ERBB4: variants seen among roughly 807,000 people sequenced by gnomAD.
ERBB4 encodes the protein receptor tyrosine-protein kinase erbB-4.
In ERBB4, 42 loss-of-function variants were observed where a neutral mutation model predicts 158.0. The ratio of observed to expected loss-of-function variants is 0.27; its 90% CI spans 0.21 to 0.34. The LOEUF is 0.34. Ranked by LOEUF, ERBB4 falls within the 10% of genes least tolerant of loss-of-function variation. The pLI, the probability that ERBB4 is intolerant of heterozygous loss-of-function variation, is 1.00. For synonymous variants in ERBB4, 583 were observed against 558.7 expected, an observed-to-expected ratio of 1.04 and a Z score of -0.61; for missense variants, 1,333 against 1,624.1, an observed-to-expected ratio of 0.82 and a Z score of 3.08.
At chr2:212,124,609 G>A (rs1378401524) in intron 2 of ERBB4, 143 bp downstream of exon 2, 3 of 869,212 alleles carry the variant, frequency 3.5e-6, no homozygotes, top group Admixed American at 4.1e-5. Flanking sequence ...GGTGCGTTTC[G>A]CTATCTCTTA....
chr2:212,429,444 T>C (rs779557359), intron 1 of ERBB4, among the ~76,000 whole-genome samples: 2 of 152,182 alleles, frequency 1.3e-5, no homozygotes, highest in Non-Finnish European at 2.9e-5. Context: ...CAACGGATTA[T>C]ACAAGTGTGG....
chr2:211,782,372 G>C (rs1462344646), intron 4 of ERBB4, among the ~76,000 whole-genome samples: 1 of 152,166 alleles, frequency 6.6e-6, no homozygotes, highest in Non-Finnish European at 1.5e-5. Flanking sequence ...TTAAAAGCTT[G>C]ACTGTTATCC....
intron 14 of ERBB4, among the ~76,000 whole-genome samples, chr2:211,672,153 A>AT (rs1430570524): frequency 6.6e-6 from 1 of 152,030 alleles, no homozygotes; most frequent in Non-Finnish European, 1.5e-5. Flanking sequence ...TGATATATAT[A>AT]TTTTTTCTAA....
intron 24 of ERBB4, among the ~76,000 whole-genome samples, chr2:211,421,668 G>A (rs561886381): frequency 6.6e-6 from 1 of 151,694 alleles, no homozygotes; most frequent in Non-Finnish European, 1.5e-5. Flanking sequence ...CTTTTGTTCC[G>A]AAAAAAGAAA....
chr2:211,775,854 G>A (rs994911613), intron 4 of ERBB4, among the ~76,000 whole-genome samples: 6 of 152,076 alleles, frequency 3.9e-5, no homozygotes, highest in Admixed American at 1.3e-4. Context: ...GCCACCTCAC[G>A]GGTTACACCT....
intron 5 of ERBB4, among the ~76,000 whole-genome samples, chr2:211,727,497 T>C (rs1404074200): frequency 2.0e-5 from 3 of 152,068 alleles, no homozygotes; most frequent in Non-Finnish European, 4.4e-5. Context: ...AAATCATATA[T>C]TGCCAACTCA....
intron 7 of ERBB4, among the ~76,000 whole-genome samples, chr2:211,718,044 T>C (rs554290415): frequency 6.6e-6 from 1 of 152,144 alleles, no homozygotes; most frequent in East Asian, 2.0e-4. Flanking sequence ...CCCAAATAGC[T>C]GGGATTACAG....
chr2:211,743,765 A>C (rs2074872009), intron 5 of ERBB4, among the ~76,000 whole-genome samples: 2 of 152,216 alleles, frequency 1.3e-5, no homozygotes, highest in African/African-American at 2.4e-5. Flanking sequence ...CAATTTACTT[A>C]AGCTGTGCTG....
chr2:212,380,357 T>C (rs1303367388), intron 1 of ERBB4, among the ~76,000 whole-genome samples: 5 of 151,278 alleles, frequency 3.3e-5, no homozygotes, highest in Non-Finnish European at 7.4e-5. Flanking sequence ...TTAAAGTATA[T>C]GGGAAGATGT....
At chr2:211,852,524 A>G (rs542212584) in intron 3 of ERBB4, among the ~76,000 whole-genome samples, 19 of 152,058 alleles carry the variant, frequency 1.2e-4, no homozygotes, top group African/African-American at 4.3e-4. Flanking sequence ...GTGAAATGAC[A>G]TACAGCAGGT....
At chr2:212,520,922 C>T (rs1339941093) in intron 1 of ERBB4, among the ~76,000 whole-genome samples, 3 of 151,896 alleles carry the variant, frequency 2.0e-5, no homozygotes, top group African/African-American at 7.2e-5. Flanking sequence ...TAGCCTTTAC[C>T]TGATTCCTTA....
At chr2:212,227,329 G>A (rs567212318) in intron 1 of ERBB4, among the ~76,000 whole-genome samples, 77 of 151,488 alleles carry the variant, frequency 5.1e-4, no homozygotes, top group African/African-American at 1.6e-3. Context: ...GCTTCAGGAA[G>A]AATAATCTCT....
At chr2:212,468,367 G>A (rs1307315850) in intron 1 of ERBB4, among the ~76,000 whole-genome samples, 1 of 152,120 alleles carries the variant, frequency 6.6e-6, no homozygotes, top group African/African-American at 2.4e-5. Flanking sequence ...CATGCACTGT[G>A]GGAGGGACCC....
chr2:211,664,832 T>G (rs1360168659), intron 15 of ERBB4, among the ~76,000 whole-genome samples: 1 of 151,934 alleles, frequency 6.6e-6, no homozygotes, highest in Non-Finnish European at 1.5e-5. Context: ...TAGGTTCCCT[T>G]TTTCCCTGCC....
intron 3 of ERBB4, among the ~76,000 whole-genome samples, chr2:211,858,845 C>G (rs1414813393): frequency 6.6e-6 from 1 of 152,030 alleles, no homozygotes; most frequent in African/African-American, 2.4e-5. Context: ...TGCAGTGGTG[C>G]GATCTCCGCT....
At chr2:211,492,062 C>CT (rs1272203000) in intron 20 of ERBB4, among the ~76,000 whole-genome samples, 2 of 138,524 alleles carry the variant, frequency 1.4e-5, no homozygotes, top group Admixed American at 7.4e-5. Context: ...CGTGCAAACT[C>CT]ACCTTAAGAA....
chr2:211,708,568 C>T (rs1241460712), intron 9 of ERBB4, among the ~76,000 whole-genome samples: 2 of 151,744 alleles, frequency 1.3e-5, no homozygotes, highest in Non-Finnish European at 2.9e-5. Flanking sequence ...TCTTCTCCTC[C>T]TGTTTTGTTT....
chr2:212,538,506 C>T lies in ERBB4; in HGVS notation c.25G>A (p.Val9Ile). 6.2e-7 allele frequency: 1 copy of T among 1,614,132 alleles called. No individual in the cohort carries two copies. Among genetic ancestry groups the T allele is most frequent in the Non-Finnish European group, 8.5e-7 (1 of 1,179,960 alleles). ...GCCGCCACGAGAAGGCTCACCCAGA[C>T]CCAAAGTCCTGTCGCCGGCTTCATT... MKPATGLW[V>I]WVSLLVAAGT... is the part of the protein sequence containing the mutation. Residue 9 changes from valine to isoleucine, a missense_variant, in exon 1 of 28, where the codon GTC becomes ATC. Coordinates refer to ENST00000342788, the MANE Select transcript of ERBB4 (RefSeq NM_005235.3).
intron 1 of ERBB4, among the ~76,000 whole-genome samples, chr2:212,190,471 G>C (rs571117120): frequency 6.6e-6 from 1 of 151,692 alleles, no homozygotes; most frequent in Non-Finnish European, 1.5e-5. Flanking sequence ...CGGGAGGTGG[G>C]GCTTGCAGTG....
Sources: gnomAD v4.1 joint callset for allele counts (sites outside exome capture counted in the v4.1 genomes callset) on GRCh38, gnomAD v4.1.1 for gene constraint, MANE v1.5 for transcripts, NCBI Gene and HGNC (gene_info 2026-07-23, HGNC 2026-07-21) for gene names.